Variants in DLGAP1 observed in about 807,000 individuals in gnomAD.
DLGAP1 encodes the protein DLG associated protein 1, also known as disks large-associated protein 1.
A neutral mutation model predicts 90.8 loss-of-function variants in DLGAP1; 11 were observed. The ratio of observed to expected loss-of-function variants is 0.12; its 90% confidence interval spans 0.08 to 0.20. DLGAP1 has a LOEUF of 0.20. DLGAP1 is among the 10% of genes least tolerant of loss of function. The pLI is 1.00. For missense variants in DLGAP1, 1,050 were observed against 1,333.8 expected (o/e 0.79, Z 3.31); for synonymous variants, 558 against 540.7 (o/e 1.03, Z -0.44).
chr18:3,752,698 A>G (rs914556538), intron 5 of DLGAP1, among the ~76,000 whole-genome samples: 1 of 134,682 alleles, frequency 7.4e-6, no homozygotes, highest in Non-Finnish European at 1.5e-5. Context: ...GCTGGAGTGC[A>G]GTGGCATGAT....
At chr18:4,077,108 C>CATGGTTAAACAATCAG (rs2075535436) in intron 2 of DLGAP1, among the ~76,000 whole-genome samples, 1 of 152,100 alleles carries the variant, frequency 6.6e-6, no homozygotes, top group Non-Finnish European at 1.5e-5. Flanking sequence ...CCCAAAGGGT[C>CATGGTTAAACAATCAG]ATGGTTAAAC....
chr18:3,736,790 T>C (rs1459852262), intron 6 of DLGAP1, among the ~76,000 whole-genome samples: 3 of 151,022 alleles, frequency 2.0e-5, no homozygotes, highest in Non-Finnish European at 3.0e-5. Flanking sequence ...CTGAAGGAAA[T>C]AGAGACACAA....
intron 3 of DLGAP1, among the ~76,000 whole-genome samples, chr18:3,972,021 T>G (rs1251169267): frequency 6.6e-6 from 1 of 152,180 alleles, no homozygotes; most frequent in African/African-American, 2.4e-5. Context: ...ATGAATAGCT[T>G]TGGTCATTTA....
At chr18:4,061,441 C>A (rs751821253) in intron 2 of DLGAP1, among the ~76,000 whole-genome samples, 1 of 151,998 alleles carries the variant, frequency 6.6e-6, no homozygotes. Flanking sequence ...TTCAGTTTAC[C>A]CATAAATTGA....
intron 7 of DLGAP1, among the ~76,000 whole-genome samples, chr18:3,584,490 T>G (rs2055758250): frequency 6.6e-6 from 1 of 152,210 alleles, no homozygotes; most frequent in Non-Finnish European, 1.5e-5. Flanking sequence ...GTCCTGCTGT[T>G]TCAGTGGCCT....
chr18:3,845,170 A>T, intron 4 of DLGAP1: 1 of 1,592,246 alleles, frequency 6.3e-7, no homozygotes, highest in South Asian at 1.1e-5. Flanking sequence ...ATTAGCACAG[A>T]AATCAAGCAC....
intron 2 of DLGAP1, among the ~76,000 whole-genome samples, chr18:4,146,320 G>A (rs980177098): frequency 1.2e-4 from 19 of 152,112 alleles, no homozygotes; most frequent in African/African-American, 4.3e-4. Context: ...CATTCGCCAC[G>A]TTCACACAGT....
intron 7 of DLGAP1, among the ~76,000 whole-genome samples, chr18:3,587,722 G>A (rs143284144): frequency 5.5e-4 from 84 of 152,254 alleles, no homozygotes; most frequent in South Asian, 1.2e-3. Context: ...GTGAGGGTCT[G>A]TGGCTTCATT....
At chr18:3,544,344 T>C (rs903006208) in intron 9 of DLGAP1, among the ~76,000 whole-genome samples, 19 of 152,184 alleles carry the variant, frequency 1.2e-4, no homozygotes, top group African/African-American at 4.1e-4. Flanking sequence ...GCTGAGATTG[T>C]GCCACTGCAC....
intron 3 of DLGAP1, among the ~76,000 whole-genome samples, chr18:3,908,639 T>A (rs1009643124): frequency 6.6e-6 from 1 of 152,302 alleles, no homozygotes; most frequent in South Asian, 2.1e-4. Context: ...TATCTGCCAC[T>A]CTTAAGAAGA....
intron 1 of DLGAP1, among the ~76,000 whole-genome samples, chr18:4,269,485 C>T (rs1468561223): frequency 6.6e-6 from 1 of 151,702 alleles, no homozygotes; most frequent in Admixed American, 6.6e-5. Context: ...TCCCGAGTAG[C>T]TGGGACTACA....
chr18:4,067,168 C>T (rs1224965351), intron 2 of DLGAP1, among the ~76,000 whole-genome samples: 1 of 151,482 alleles, frequency 6.6e-6, no homozygotes, highest in Non-Finnish European at 1.5e-5. Context: ...GACACTGGGC[C>T]TTACCTGAAG....
intron 1 of DLGAP1, among the ~76,000 whole-genome samples, chr18:4,180,781 G>GA (rs2144657507): frequency 8.0e-6 from 1 of 125,650 alleles, no homozygotes; most frequent in South Asian, 2.5e-4. Context: ...CAGAGGTAGG[G>GA]AAAATCACTT....
chr18:4,454,126 C>A lies in DLGAP1; in HGVS notation c.-267+880G>T, dbSNP rs2083906695. Among the ~76,000 whole-genome samples the A allele has an allele frequency of 6.6e-6, 1 of 152,210 alleles. No homozygotes were observed. The highest frequency in any genetic ancestry group is 2.1e-4 in the South Asian group (1 of 4,834). On this transcript the variant is annotated intron_variant, in intron 1 of 12. Transcript: ENST00000315677. The surrounding 1 kb of genome is among the most constrained non-coding windows in gnomAD (Gnocchi z 4.7). Reference sequence around the variant, plus strand: ...CACCCAGCGAGGCCGGGACAGCGCGCCTTCCGCAAAAAGCGCAGCAGCCGA... The same window carrying A: ...CACCCAGCGAGGCCGGGACAGCGCGACTTCCGCAAAAAGCGCAGCAGCCGA...
At chr18:3,582,891 C>T (rs1334389869) in intron 7 of DLGAP1, among the ~76,000 whole-genome samples, 1 of 130,588 alleles carries the variant, frequency 7.7e-6, no homozygotes, top group African/African-American at 2.9e-5. Context: ...TTTCTTCCTC[C>T]CTGCTTTTCC....
At chr18:4,071,523 C>T (rs958338578) in intron 2 of DLGAP1, among the ~76,000 whole-genome samples, 6 of 152,200 alleles carry the variant, frequency 3.9e-5, no homozygotes, top group Non-Finnish European at 5.9e-5. Context: ...TGCCCTCTCC[C>T]ACAGTTCCCA....
In DLGAP1 at chr18:3,600,921, G is replaced by T. The variant is rs1169438102; in HGVS notation, c.1592-18673C>A. Among the ~76,000 whole-genome samples the T allele has an allele frequency of 4.2e-5, 4 of 95,468 alleles. 2 individuals carry two copies. The highest frequency in any genetic ancestry group is 1.5e-4 in the African/African-American group (4 of 27,372). The allele number at this position is 95,468 out of a possible 152,430, so 62.6% of individuals were successfully genotyped here. A position where few individuals can be genotyped will look rare whatever the true frequency, so the allele number is the denominator to read the frequency against. On this transcript the variant is annotated intron_variant, in intron 7 of 12. Transcript: ENST00000315677. ...ATATATAGATATATAGATAGATATA[G>T]ATATATATAGATATATAGATAGATA...
intron 1 of DLGAP1, among the ~76,000 whole-genome samples, chr18:4,368,636 TACACACACACACACAC>T (rs55840615): frequency 4.4e-4 from 60 of 135,028 alleles, no homozygotes; most frequent in Middle Eastern, 7.2e-3. Flanking sequence ...CTCTCTCTCA[TACACACACACACACAC>T]ACACACACAC....
At chr18:3,612,774 T>C (rs2057695344) in intron 7 of DLGAP1, among the ~76,000 whole-genome samples, 1 of 152,242 alleles carries the variant, frequency 6.6e-6, no homozygotes, top group Non-Finnish European at 1.5e-5. Flanking sequence ...TGGTTGCTGA[T>C]GTAAAAATAA....
Sources: gnomAD v4.1 joint callset for allele counts (sites outside exome capture counted in the v4.1 genomes callset) on GRCh38, gnomAD v4.1.1 for gene constraint, Gnocchi (gnomAD v3.1) non-coding constraint, MANE v1.5 for transcripts, NCBI Gene and HGNC (gene_info 2026-07-23, HGNC 2026-07-21) for gene names.